STK3: variants seen among roughly 807,000 people sequenced by gnomAD.
STK3 encodes serine/threonine-protein kinase 3.
In STK3, 41 loss-of-function variants were observed where a neutral mutation model predicts 58.0. That is an observed-to-expected ratio of 0.71 (90% confidence interval 0.55 to 0.92). The LOEUF (loss-of-function observed/expected upper bound fraction) is 0.92, where lower values mean the gene tolerates loss of function less well. Among genes scored for constraint, STK3 ranks in the 40% least tolerant of loss-of-function variants. The pLI, the probability that STK3 is intolerant of heterozygous loss-of-function variation, is 0.00. For synonymous variants in STK3, 170 were observed against 191.0 expected, an observed-to-expected ratio of 0.89 and a Z score of 0.91; for missense variants, 479 against 602.7, an observed-to-expected ratio of 0.79 and a Z score of 2.15.
chr8:98,624,858 A>C (rs1012855236), intron 6 of STK3, among the ~76,000 whole-genome samples: 1 of 151,818 alleles, frequency 6.6e-6, no homozygotes, highest in Non-Finnish European at 1.5e-5. Flanking sequence ...CTGTCTCAAA[A>C]AAGAAAAAAA....
chr8:98,831,861 T>G (rs1035690551), intron 3 of STK3, among the ~76,000 whole-genome samples: 32 of 152,226 alleles, frequency 2.1e-4, no homozygotes, highest in Admixed American at 2.0e-4. Context: ...AACTTGTTTC[T>G]CAGACCACAC....
intron 1 of STK3, among the ~76,000 whole-genome samples, chr8:98,925,759 A>G (rs1839764119): frequency 6.6e-6 from 1 of 152,192 alleles, no homozygotes; most frequent in Non-Finnish European, 1.5e-5. Flanking sequence ...AGATGGAATT[A>G]CCATCCCTGG....
chr8:98,735,965 C>T (rs1272933405), intron 4 of STK3, among the ~76,000 whole-genome samples: 11 of 151,874 alleles, frequency 7.2e-5, no homozygotes, highest in Admixed American at 7.2e-4. Context: ...GTGAAGTACT[C>T]ATATAACTAT....
intron 3 of STK3, among the ~76,000 whole-genome samples, chr8:98,393,296 G>T (rs758686126): frequency 1.4e-4 from 21 of 152,088 alleles, no homozygotes; most frequent in Non-Finnish European, 2.2e-4. Flanking sequence ...GTGACCCTGG[G>T]CCTGTCACTC....
At chr8:98,758,583 T>C (rs1055941937) in intron 3 of STK3, among the ~76,000 whole-genome samples, 8 of 152,202 alleles carry the variant, frequency 5.3e-5, no homozygotes, top group Non-Finnish European at 1.0e-4. Context: ...GAATGGGCAA[T>C]GAACACTGGC....
chr8:98,855,191 G>A (rs2922081), intron 3 of STK3, among the ~76,000 whole-genome samples: 51,073 of 152,068 alleles, frequency 0.34, 8,918 homozygotes, highest in East Asian at 0.45. Context: ...TTCATATAGA[G>A]TTCAAGGGAT....
chr8:98,553,594 A>C (rs1811363807), intron 8 of STK3, among the ~76,000 whole-genome samples: 1 of 152,148 alleles, frequency 6.6e-6, no homozygotes, highest in South Asian at 2.1e-4. Flanking sequence ...ATTAACTACA[A>C]TTATTCAGTT....
At chr8:98,785,474 C>G (rs1275218076) in intron 1 of STK3, among the ~76,000 whole-genome samples, 1 of 152,110 alleles carries the variant, frequency 6.6e-6, no homozygotes, top group African/African-American at 2.4e-5. Context: ...CTGGATTCTC[C>G]CTATGCGCTG....
At chr8:98,380,366 A>T (rs1252772842) in intron 1 of STK3, among the ~76,000 whole-genome samples, 7 of 152,226 alleles carry the variant, frequency 4.6e-5, no homozygotes, top group Admixed American at 4.6e-4. Flanking sequence ...TATTACCCAG[A>T]GATAACCACC....
chr8:98,629,343 C>G (rs1267171434), intron 6 of STK3, among the ~76,000 whole-genome samples: 2 of 152,158 alleles, frequency 1.3e-5, no homozygotes, highest in African/African-American at 2.4e-5. Flanking sequence ...AGTACAGAAA[C>G]CTTTTTTAAA....
chr8:98,620,233 G>A (rs62535402), intron 6 of STK3, among the ~76,000 whole-genome samples: 24,630 of 100,956 alleles, frequency 0.24, 3,124 homozygotes, highest in East Asian at 0.39. Context: ...ACCAAACACC[G>A]CATATTCTCA....
At chr8:98,880,313 A>G (rs1037678852), downstream of STK3, 1 of 152,336 alleles carries the variant, frequency 6.6e-6, no homozygotes, top group African/African-American at 2.4e-5. Flanking sequence ...TTAGCCAAAA[A>G]AAGTAAGAAA....
At chr8:98,415,459 C>G (rs1818104642) in intron 3 of STK3, among the ~76,000 whole-genome samples, 2 of 152,204 alleles carry the variant, frequency 1.3e-5, no homozygotes, top group African/African-American at 4.8e-5. Flanking sequence ...GCACATCACA[C>G]AGAAAACCTT....
intron 2 of STK3, among the ~76,000 whole-genome samples, chr8:98,770,542 G>A (rs527331259): frequency 6.6e-6 from 1 of 152,302 alleles, no homozygotes; most frequent in Admixed American, 6.5e-5. Flanking sequence ...GGACTCAAAA[G>A]TGGCCCATAT....
At chr8:98,796,491 A>G (rs1362888144) in intron 1 of STK3, among the ~76,000 whole-genome samples, 1 of 152,186 alleles carries the variant, frequency 6.6e-6, no homozygotes, top group East Asian at 1.9e-4. Flanking sequence ...AGATTTAAAC[A>G]GAAGACCTCA....
At chr8:98,413,221 G>A (rs1043110198) in intron 3 of STK3, 9 of 308,682 alleles carry the variant, frequency 2.9e-5, no homozygotes, top group African/African-American at 1.3e-4. Context: ...CACCATGTTT[G>A]CCAGGCTGGT....
chr8:98,709,873 G>A (rs900461040), intron 4 of STK3, among the ~76,000 whole-genome samples: 1 of 152,040 alleles, frequency 6.6e-6, no homozygotes, highest in Admixed American at 6.5e-5. Flanking sequence ...CAAAGATCAG[G>A]AACAATGAAA....
intron 8 of STK3, among the ~76,000 whole-genome samples, chr8:98,574,612 T>C (rs888114929): frequency 4.6e-5 from 7 of 152,332 alleles, no homozygotes; most frequent in East Asian, 1.9e-4. Flanking sequence ...ATGAGATTTA[T>C]AGGAGACCCA....
chr8:98,574,029 ACCT>A (rs1402867031), intron 8 of STK3, among the ~76,000 whole-genome samples: 1 of 151,910 alleles, frequency 6.6e-6, no homozygotes, highest in Non-Finnish European at 1.5e-5. Flanking sequence ...TGATTCAATT[ACCT>A]CCTACCAGGT....
Sources: allele counts gnomAD v4.1 joint callset (sites outside exome capture counted in the v4.1 genomes callset), GRCh38; gene constraint gnomAD v4.1.1; transcripts MANE v1.5; gene names NCBI Gene and HGNC (gene_info 2026-07-23, HGNC 2026-07-21).